Variants in COPS2 observed in about 807,000 individuals in gnomAD.
The protein encoded by COPS2 is COP9 signalosome subunit 2, also known as COP9 signalosome complex subunit 2.
Under a neutral mutation model 66.1 loss-of-function variants are expected in COPS2, and 10 were observed. The ratio of observed to expected loss-of-function variants is 0.15; its 90% confidence interval spans 0.09 to 0.26. COPS2 has a LOEUF of 0.26. COPS2 is among the 10% of genes least tolerant of loss of function. The pLI is 1.00. For missense variants in COPS2, 215 were observed against 513.3 expected, an observed-to-expected ratio of 0.42 and a Z score of 5.62; for synonymous variants, 179 against 171.3, an observed-to-expected ratio of 1.04 and a Z score of -0.35.
At chr15:49,142,615 GCTTCAA>G (rs2084296278) in intron 3 of COPS2, among the ~76,000 whole-genome samples, 1 of 152,186 alleles carries the variant, frequency 6.6e-6, no homozygotes, top group South Asian at 2.1e-4. Context: ...GCTCATCTGA[GCTTCAA>G]CTTCATCTTT....
intron 4 of COPS2, 113 bp from the exon 5 acceptor site, chr15:49,137,550 C>G: frequency 1.3e-6 from 1 of 761,632 alleles, no homozygotes; most frequent in Non-Finnish European, 2.2e-6. Context: ...ACATAAGATA[C>G]ACTATCTGTA....
At chr15:49,140,197 G>A (rs895512295) in intron 3 of COPS2, among the ~76,000 whole-genome samples, 4 of 151,130 alleles carry the variant, frequency 2.6e-5, no homozygotes, top group African/African-American at 9.7e-5. Flanking sequence ...GTTTCTCCAT[G>A]TTGGTCAGGC....
Position 49,134,114 on chromosome 15 carries a change from A to T in COPS2, c.716-6T>A, listed in dbSNP as rs1428985854. On this transcript the variant is annotated splice_region_variant and splice_polypyrimidine_tract_variant and intron_variant, in intron 7 of 12. Coordinates refer to ENST00000388901, the MANE Select transcript of COPS2 (RefSeq NM_004236.4). Reference sequence around the variant, plus strand: ...GTGCATTTTACCACCACATTCTGTGAAGAATAAGACATGAGAAAATAGGAC... The same window carrying T: ...GTGCATTTTACCACCACATTCTGTGTAGAATAAGACATGAGAAAATAGGAC... 6.2e-7 allele frequency: 1 copy of T among 1,607,558 alleles called. No individual in the cohort carries two copies. The highest frequency in any genetic ancestry group is 1.3e-5 in the African/African-American group (1 of 74,594).
intron 3 of COPS2, among the ~76,000 whole-genome samples, chr15:49,143,876 C>T (rs558244364): frequency 6.6e-6 from 1 of 151,884 alleles, no homozygotes; most frequent in East Asian, 1.9e-4. Flanking sequence ...GTTCCAGCTA[C>T]TCAGGAGGCT....
intron 10 of COPS2, among the ~76,000 whole-genome samples, chr15:49,130,205 G>A (rs982656403): frequency 1.3e-5 from 2 of 152,070 alleles, no homozygotes; most frequent in African/African-American, 4.8e-5. Flanking sequence ...TGGGAAAATC[G>A]GAGCTATAAA....
At chr15:49,146,988 C>T (rs1383873235) in intron 1 of COPS2, among the ~76,000 whole-genome samples, 1 of 152,052 alleles carries the variant, frequency 6.6e-6, no homozygotes, top group Non-Finnish European at 1.5e-5. Context: ...CTCTCTCTTT[C>T]CACCTCTACC....
intron 9 of COPS2, among the ~76,000 whole-genome samples, chr15:49,131,959 TAATA>T (rs1307279769): frequency 1.3e-5 from 2 of 152,178 alleles, no homozygotes; most frequent in African/African-American, 4.8e-5. Context: ...TAGTTGGATA[TAATA>T]AATTTATAAA....
intron 4 of COPS2, among the ~76,000 whole-genome samples, chr15:49,138,036 A>ATTAT (rs1438413456): frequency 2.6e-5 from 4 of 152,358 alleles, no homozygotes; most frequent in African/African-American, 9.6e-5. Context: ...TTCTTCTATA[A>ATTAT]ATATGACTAA....
rs2084160054 is a variant in COPS2, at chr15:49,125,645, A to C, written c.*2305T>G. On this transcript the variant is annotated 3_prime_UTR_variant, in exon 13 of 13. Coordinates refer to ENST00000388901, the MANE Select transcript of COPS2 (RefSeq NM_004236.4). ...TTTTAAGGGAAGAATAAATTATTTT[A>C]AGTTAGTCAGACTGTTAAGATATAT... 6.6e-6 allele frequency: 1 copy of C among 152,154 alleles called. No individual in the cohort carries two copies. The highest frequency in any genetic ancestry group is 2.4e-5 in the African/African-American group (1 of 41,464). 9.4% of individuals were successfully genotyped at this position (152,154 alleles called of 1,614,324 possible).
Position 49,134,407 on chromosome 15 carries a change from T to C in COPS2, c.648A>G (p.Ala216=), listed in dbSNP as rs1391856442. ...TGATGTGAAGTGACTGTTCATAGAG[T>C]GCTTTAAGTTTTTTGTTATTTTTCT... ...TAQKNNKKLK[A]LYEQSLHIKS... is the part of the protein sequence containing the mutation. The change falls in exon 7 of 13, where the codon GCA becomes GCG. Residue 216 remains alanine (A), a synonymous_variant. Coordinates refer to ENST00000388901, the MANE Select transcript of COPS2 (RefSeq NM_004236.4). The C allele has an allele frequency of 6.2e-7, 1 of 1,613,420 alleles. No homozygotes were observed. The highest frequency in any genetic ancestry group is 8.5e-7 in the Non-Finnish European group (1 of 1,179,916).
Position 49,144,249 on chromosome 15 carries a change from A to G in COPS2, c.224T>C (p.Met75Thr). The G allele has an allele frequency of 6.2e-7, 1 of 1,609,778 alleles. No individual in the cohort carries two copies. The highest frequency in any genetic ancestry group is 8.5e-7 in the Non-Finnish European group (1 of 1,177,092). Residue 75 changes from methionine (M) to threonine (T), a missense_variant, in exon 3 of 13, where the codon ATG becomes ACG. Around this residue, in one of 5 missense-constraint regions of COPS2, gnomAD observed 90 missense variants for 225.1 expected, o/e 0.40. Transcript: ENST00000388901. Reference protein sequence around the residue: ...GEWGFKALKQMIKINFKLTNF... With the variant: ...GEWGFKALKQTIKINFKLTNF... ...TACCAACTTGAAGTTAATCTTAATC[A>G]TTTGTTTCAGTGCTTTAAATCCCCA... is the stretch of plus-strand genomic sequence containing the variant.
intron 9 of COPS2, among the ~76,000 whole-genome samples, chr15:49,131,222 C>A (rs1176392383): frequency 6.6e-6 from 1 of 152,042 alleles, no homozygotes; most frequent in East Asian, 1.9e-4. Context: ...TTCATGTACA[C>A]TACATGAAGG....
At position 49,126,024 on chromosome 15, in the gene COPS2, T is replaced by A. The variant is rs1320351931; in HGVS notation, c.*1926A>T. On this transcript the variant is annotated 3_prime_UTR_variant, in exon 13 of 13. Coordinates refer to ENST00000388901, the MANE Select transcript of COPS2 (RefSeq NM_004236.4). ...TCAAGGGTTATCACATGCATACATATTTGAATACAGGCACAAAAACTCATC... is the reference window on the plus strand; with the variant it reads ...TCAAGGGTTATCACATGCATACATAATTGAATACAGGCACAAAAACTCATC... 4 of 152,446 alleles carry A rather than the reference T, an allele frequency of 2.6e-5. No homozygotes were observed. The highest frequency in any genetic ancestry group is 7.2e-5 in the African/African-American group (3 of 41,448). 9.4% of individuals were successfully genotyped at this position (152,446 alleles called of 1,614,324 possible). A position where few individuals can be genotyped will look rare whatever the true frequency, so the allele number is the denominator to read the frequency against.
chr15:49,150,397 C>A (rs1453685074), intron 1 of COPS2, among the ~76,000 whole-genome samples: 1 of 151,896 alleles, frequency 6.6e-6, no homozygotes, highest in South Asian at 2.1e-4. Context: ...TTGAACTTAA[C>A]ATTTATATTG....
intron 1 of COPS2, among the ~76,000 whole-genome samples, chr15:49,151,218 T>C (rs1187818199): frequency 6.6e-6 from 1 of 151,946 alleles, no homozygotes; most frequent in Non-Finnish European, 1.5e-5. Flanking sequence ...CTGGCCAACA[T>C]GGTGAAACCC....
In COPS2 at chr15:49,137,139, G is replaced by T. The variant is rs2084258910; in HGVS notation, c.540+11C>A. 6.5e-7 allele frequency: 1 copy of T among 1,540,978 alleles called. No individual in the cohort carries two copies. Among genetic ancestry groups the T allele is most frequent in the African/African-American group, 1.4e-5 (1 of 71,382 alleles). On this transcript the variant is annotated intron_variant, in intron 6 of 12. Transcript: ENST00000388901. ...TGAAGAAATATTCAGAAAAAAATAA[G>T]GGAAAGCTACCTGGCACGACTGATG...
chr15:49,139,507 GA>G lies in COPS2; in HGVS notation c.372+20del. The stretch of plus-strand genomic sequence containing the variant: ...ATAATAAACACACTGATCGTCCCAA[GA>G]GGGGAAAATTGAGTCTAACCTGTTT... On this transcript the variant is annotated intron_variant, in intron 4 of 12. Coordinates refer to ENST00000388901, the MANE Select transcript of COPS2 (RefSeq NM_004236.4). The G allele has an allele frequency of 6.4e-7, 1 of 1,570,978 alleles. No individual in the cohort carries two copies.
chr15:49,152,334 T>C (rs1440322762), intron 1 of COPS2, among the ~76,000 whole-genome samples: 1 of 151,950 alleles, frequency 6.6e-6, no homozygotes, highest in Non-Finnish European at 1.5e-5. Flanking sequence ...ATAAGTTTTA[T>C]GCCACCAAAA....
At chr15:49,132,277 CAATA>C (rs1207871987) in intron 9 of COPS2, among the ~76,000 whole-genome samples, 2 of 150,442 alleles carry the variant, frequency 1.3e-5, no homozygotes, top group Non-Finnish European at 1.5e-5. Flanking sequence ...ATAAAGTAAA[CAATA>C]AAGAAACTGA....
Sources: gnomAD v4.1 joint callset for allele counts (sites outside exome capture counted in the v4.1 genomes callset) on GRCh38, gnomAD v4.1.1 for gene constraint, gnomAD v4.1.1 regional missense constraint, MANE v1.5 for transcripts, NCBI Gene and HGNC (gene_info 2026-07-23, HGNC 2026-07-21) for gene names.